LDAH: variants seen among roughly 807,000 people sequenced by gnomAD.
LDAH encodes lipid droplet-associated hydrolase.
Under a neutral mutation model 29.6 loss-of-function variants are expected in LDAH, and 26 were observed. The ratio of observed to expected loss-of-function variants is 0.88; its 90% CI spans 0.64 to 1.22. LDAH has a LOEUF of 1.22. LDAH is among the 50% of genes most tolerant of loss of function. The pLI is 0.00. For synonymous variants in LDAH, 117 were observed against 133.0 expected (o/e 0.88, Z 0.83); for missense variants, 344 against 387.3 (o/e 0.89, Z 0.94).
At chr2:20,774,623 A>T (rs1259541142) in intron 4 of LDAH, among the ~76,000 whole-genome samples, 187 bp downstream of exon 4, 7 of 152,240 alleles carry the variant, frequency 4.6e-5, no homozygotes, top group Non-Finnish European at 1.0e-4. Flanking sequence ...ATTCTTTGAA[A>T]CATTATGAAC....
intron 6 of LDAH, among the ~76,000 whole-genome samples, chr2:20,690,803 G>A (rs984852930): frequency 5.3e-5 from 8 of 152,066 alleles, no homozygotes; most frequent in South Asian, 4.1e-4. Flanking sequence ...AAAATGAATC[G>A]CAATGCACCA....
rs1313738941 is a variant in LDAH, at chr2:20,684,277, T to G, written c.*2626A>C. The G allele has an allele frequency of 6.6e-6, 1 of 152,218 alleles. No homozygotes were observed. Among genetic ancestry groups the G allele is most frequent in the Non-Finnish European group, 1.5e-5 (1 of 68,036 alleles). The allele number at this position is 152,218 out of a possible 1,614,324, so 9.4% of individuals were successfully genotyped here. ...ACTCCCAGCTAATCTTCAGACCTCA[T>G]TCAAGTTGTGCAAATTGTCTCAACA... On this transcript the variant is annotated 3_prime_UTR_variant, in exon 7 of 7. Transcript: ENST00000237822.
chr2:20,686,374 A>G lies in LDAH; in HGVS notation c.*529T>C, dbSNP rs1359725359. ...ATCTGTGCTAAGTTAGCCTGGGCTC[A>G]TCTTCATCTTCTGTCTTACAGGAGA... is the stretch of plus-strand genomic sequence containing the variant. On this transcript the variant is annotated 3_prime_UTR_variant, in exon 7 of 7. Transcript: ENST00000237822. 1 of 152,898 alleles carries G rather than the reference A, an allele frequency of 6.5e-6. No homozygotes were observed. Among genetic ancestry groups the G allele is most frequent in the Admixed American group, 6.5e-5 (1 of 15,318 alleles). 9.5% of individuals were successfully genotyped at this position (152,898 alleles called of 1,614,324 possible).
At position 20,750,142 on chromosome 2, in the gene LDAH, C is replaced by T. The variant is rs1389866225; in HGVS notation, c.469-9937G>A. 4.6e-5 allele frequency among the ~76,000 whole-genome samples: 7 copies of T among 151,852 alleles called. No homozygotes were observed. In the South Asian group the frequency reaches 1.5e-3, roughly 32 times the overall value. On this transcript the variant is annotated intron_variant, in intron 4 of 6. Transcript: ENST00000237822. ...CTGGGTTCAGGCAATTCTTCCACCT[C>T]ATCCTCCGTAGTAGCTGGGATTGCA...
intron 4 of LDAH, among the ~76,000 whole-genome samples, chr2:20,744,225 T>A (rs1389280332): frequency 4.3e-5 from 1 of 23,048 alleles, no homozygotes; most frequent in Non-Finnish European, 8.1e-5. Flanking sequence ...CTCCTCAGAT[T>A]TTTTTTTTTT....
chr2:20,687,605 T>C (rs1276330518), intron 6 of LDAH, among the ~76,000 whole-genome samples: 1 of 152,244 alleles, frequency 6.6e-6, no homozygotes, highest in Non-Finnish European at 1.5e-5. Flanking sequence ...AGAGAGTTTA[T>C]GACCTTTCTA....
At chr2:20,710,592 G>GTT (rs1176782409) in intron 5 of LDAH, among the ~76,000 whole-genome samples, 1 of 132,646 alleles carries the variant, frequency 7.5e-6, no homozygotes, top group Admixed American at 8.0e-5. Context: ...AGGGGTGTGT[G>GTT]TGTGTGTGTG....
intron 5 of LDAH, among the ~76,000 whole-genome samples, chr2:20,736,756 A>G (rs564125): frequency 0.37 from 55,361 of 151,432 alleles, 11,478 homozygotes; most frequent in Middle Eastern, 0.61. Flanking sequence ...ACTAACTTAA[A>G]TCTGCACAAC....
At chr2:20,733,397 A>AT (rs34191708) in intron 5 of LDAH, among the ~76,000 whole-genome samples, 53,738 of 111,916 alleles carry the variant, frequency 0.48, 13,132 homozygotes, top group Non-Finnish European at 0.51. Flanking sequence ...ATGCCTGGCT[A>AT]TTTTTTTTTT....
downstream of LDAH, among the ~76,000 whole-genome samples, chr2:20,682,643 A>C (rs550156375): frequency 6.6e-6 from 1 of 152,230 alleles, no homozygotes; most frequent in Non-Finnish European, 1.5e-5. Context: ...TCAAACTTGC[A>C]GCCTAATATT....
At chr2:20,701,200 G>C (rs773860812) in intron 6 of LDAH, among the ~76,000 whole-genome samples, 2 of 152,170 alleles carry the variant, frequency 1.3e-5, no homozygotes, top group East Asian at 3.8e-4. Context: ...CACTAGTCAT[G>C]AGATCATATA....
At chr2:20,683,357 G>T (rs968026645), downstream of LDAH, among the ~76,000 whole-genome samples, 10 of 152,152 alleles carry the variant, frequency 6.6e-5, no homozygotes, top group Admixed American at 6.5e-4. Context: ...TTCATTCAAG[G>T]TCCCACAGAT....
chr2:20,751,077 C>G (rs1459596366), intron 4 of LDAH, among the ~76,000 whole-genome samples: 1 of 152,186 alleles, frequency 6.6e-6, no homozygotes. Context: ...ATCTGTATCG[C>G]AAACCTCAAC....
chr2:20,763,288 C>T (rs1668812415), intron 4 of LDAH, among the ~76,000 whole-genome samples: 2 of 152,180 alleles, frequency 1.3e-5, no homozygotes, highest in Admixed American at 1.3e-4. Context: ...GAAGACAGAG[C>T]TGACATCACA....
At position 20,724,812 on chromosome 2, in the gene LDAH, C is replaced by G. The variant is rs574577774; in HGVS notation, c.703+15159G>C. On this transcript the variant is annotated intron_variant, in intron 5 of 6. Transcript: ENST00000237822. Reference sequence around the variant, plus strand: ...TAAAGTAGAACTGCAAGGTGGCAAGCCAAGTTGTGCTGCTGTTTTGGTGGT... The same window carrying G: ...TAAAGTAGAACTGCAAGGTGGCAAGGCAAGTTGTGCTGCTGTTTTGGTGGT... Among the ~76,000 whole-genome samples, 404 of 152,282 alleles carry G rather than the reference C, an allele frequency of 2.7e-3. 2 individuals carry two copies. The highest frequency in any genetic ancestry group is 9.4e-3 in the African/African-American group (391 of 41,566).
intron 1 of LDAH, among the ~76,000 whole-genome samples, chr2:20,809,975 C>A (rs1672361388): frequency 6.6e-6 from 1 of 152,192 alleles, no homozygotes; most frequent in Non-Finnish European, 1.5e-5. Context: ...ATAAAGTGTT[C>A]TCAGGAAACA....
chr2:20,790,944 T>C (rs1460359649), intron 2 of LDAH, among the ~76,000 whole-genome samples: 1 of 152,156 alleles, frequency 6.6e-6, no homozygotes, highest in Non-Finnish European at 1.5e-5. Flanking sequence ...GATAGATCTG[T>C]AGGGGGGAAA....
intron 1 of LDAH, among the ~76,000 whole-genome samples, chr2:20,821,146 G>T (rs1378984731): frequency 6.6e-6 from 1 of 152,192 alleles, no homozygotes; most frequent in African/African-American, 2.4e-5. Flanking sequence ...GGAGAAACAG[G>T]AACACTTTTA....
At chr2:20,790,081 T>C (rs555437302) in intron 3 of LDAH, among the ~76,000 whole-genome samples, 174 bp downstream of exon 3, 3 of 152,274 alleles carry the variant, frequency 2.0e-5, no homozygotes, top group South Asian at 4.1e-4. Flanking sequence ...TTACAGAAAA[T>C]TACATGAAGA....
Sources: allele counts gnomAD v4.1 joint callset (sites outside exome capture counted in the v4.1 genomes callset), GRCh38; gene constraint gnomAD v4.1.1; transcripts MANE v1.5; gene names NCBI Gene and HGNC (gene_info 2026-07-23, HGNC 2026-07-21).